The following KNDC1 variants were observed in gnomAD, a reference collection of about 807,000 sequenced individuals.
KNDC1 encodes kinase non-catalytic C-lobe domain containing 1, also known as kinase non-catalytic C-lobe domain-containing protein 1.
Under a neutral mutation model 172.8 loss-of-function variants are expected in KNDC1, and 106 were observed. That is an observed-to-expected ratio of 0.61 (90% CI 0.52 to 0.72). The LOEUF (loss-of-function observed/expected upper bound fraction) is 0.72. KNDC1 is among the 30% of genes least tolerant of loss of function. KNDC1 has a pLI of 0.00. For missense variants in KNDC1, 2,325 were observed against 2,394.5 expected, an observed-to-expected ratio of 0.97 and a Z score of 0.61; for synonymous variants, 1,083 against 1,062.2, an observed-to-expected ratio of 1.02 and a Z score of -0.38.
At chr10:133,218,334 C>T (rs1164334613) in intron 26 of KNDC1, among the ~76,000 whole-genome samples, 1 of 152,266 alleles carries the variant, frequency 6.6e-6, no homozygotes, top group East Asian at 1.9e-4. Context: ...GTCGTCACCG[C>T]CAGCCACAGA....
At chr10:133,191,670 A>C (rs1206054253) in intron 9 of KNDC1, among the ~76,000 whole-genome samples, 1 of 152,224 alleles carries the variant, frequency 6.6e-6, no homozygotes, top group East Asian at 1.9e-4. Context: ...ACTGCACTCC[A>C]GCCTGGTTGA....
At chr10:133,169,213 C>T (rs1038270035) in intron 3 of KNDC1, among the ~76,000 whole-genome samples, 8 of 152,204 alleles carry the variant, frequency 5.3e-5, no homozygotes, top group East Asian at 3.9e-4. Flanking sequence ...GTAATCCCAG[C>T]GCTCTGGGAG....
At chr10:133,188,753 C>G in intron 7 of KNDC1, 100 bp downstream of exon 7, 1 of 598,676 alleles carries the variant, frequency 1.7e-6, no homozygotes, top group East Asian at 3.0e-5. Context: ...ACCCCCCACA[C>G]CGTCCCACGC....
At chr10:133,192,707 G>T (rs1461253087) in intron 9 of KNDC1, among the ~76,000 whole-genome samples, 1 of 152,168 alleles carries the variant, frequency 6.6e-6, no homozygotes, top group Middle Eastern at 3.2e-3. Flanking sequence ...GCAGAGGAAA[G>T]AATTGGTGAA....
Position 133,188,587 on chromosome 10 carries a change from GA to G in KNDC1, c.1376del (p.Glu459GlyfsTer64). 1 of 1,595,526 alleles carries G rather than the reference GA, an allele frequency of 6.3e-7. No homozygotes were observed. The highest frequency in any genetic ancestry group is 8.5e-7 in the Non-Finnish European group (1 of 1,172,398). On this transcript the variant is annotated frameshift_variant, in exon 7 of 30. Transcript: ENST00000304613. LOFTEE classifies it high-confidence loss of function. ...LLSQLGRPFREYELWALCLAC... is the reference protein window; with the variant it reads ...LLSQLGRPFRXYELWALCLAC... Reference sequence around the variant, plus strand: ...GTCCCAGCTGGGCCGGCCCTTCCGGGAGTACGAGCTGTGGGCCCTGTGCCTG... The same window carrying G: ...GTCCCAGCTGGGCCGGCCCTTCCGGGGTACGAGCTGTGGGCCCTGTGCCTG...
Position 133,224,692 on chromosome 10 carries a change from G to A in KNDC1, c.5052G>A (p.Ala1684=), listed in dbSNP as rs1273715697. The A allele has an allele frequency of 6.8e-6, 11 of 1,614,016 alleles. No individual in the cohort carries two copies. Among genetic ancestry groups the A allele is most frequent in the Non-Finnish European group, 9.3e-6 (11 of 1,180,016 alleles). The stretch of plus-strand genomic sequence containing the variant: ...CAAAGGTGGTGAGCCAGGTGCACGC[G>A]TTCCAGGAGAACCCTTACACCTTCA... ...NIAKVVSQVH[A]FQENPYTFSP... The change falls in exon 30 of 30, where the codon GCG becomes GCA. Residue 1684 remains alanine, a synonymous_variant. Coordinates refer to ENST00000304613, the MANE Select transcript of KNDC1 (RefSeq NM_152643.8). This position sits in a 1 kb window ranked among gnomAD's most constrained non-coding sequence, Gnocchi z 5.4.
intron 26 of KNDC1, among the ~76,000 whole-genome samples, chr10:133,217,451 G>A (rs1426929423): frequency 2.0e-5 from 3 of 152,344 alleles, no homozygotes; most frequent in East Asian, 1.9e-4. Context: ...GGGCAGGCGC[G>A]GTGGCTCACG....
Position 133,175,010 on chromosome 10 carries a change from G to T in KNDC1, c.360+6698G>T, listed in dbSNP as rs111210396. Among the ~76,000 whole-genome samples the T allele has an allele frequency of 2.3e-3, 354 of 151,376 alleles. 2 individuals are homozygous for T. Among genetic ancestry groups the T allele is most frequent in the African/African-American group, 7.7e-3 (317 of 41,252 alleles). On this transcript the variant is annotated intron_variant, in intron 3 of 29. Coordinates refer to ENST00000304613, the MANE Select transcript of KNDC1 (RefSeq NM_152643.8). ...TGGGTGGATGGTGGATATGTGAATG[G>T]ATGGGTGGGTGGAAAGATGGGTGGA...
At chr10:133,167,339 T>TATCATTAAAAA in intron 1 of KNDC1, 42 bp from the exon 2 acceptor site, 1 of 1,518,138 alleles carries the variant, frequency 6.6e-7, no homozygotes, top group Non-Finnish European at 8.9e-7. Flanking sequence ...GGGGCCTGGC[T>TATCATTAAAAA]GGGGGTCCTG....
At chr10:133,204,882 G>A (rs929029049) in intron 17 of KNDC1, among the ~76,000 whole-genome samples, 4 of 151,942 alleles carry the variant, frequency 2.6e-5, no homozygotes, top group Admixed American at 6.6e-5. Flanking sequence ...GGGCTGCCGC[G>A]CCTCTCACCT....
rs756922632 is a variant in KNDC1, at chr10:133,201,763, C to T, written c.3252C>T (p.Ala1084=). Residue 1084 remains alanine (A), a synonymous_variant, in exon 17 of 30, where the codon GCC becomes GCT. Coordinates refer to ENST00000304613, the MANE Select transcript of KNDC1 (RefSeq NM_152643.8). ...GCCCAGCCTTGTCCCCCGGCCCAGCCGGATTCCAGAGCTGCAGCCCCGGCT... is the reference window on the plus strand; with the variant it reads ...GCCCAGCCTTGTCCCCCGGCCCAGCTGGATTCCAGAGCTGCAGCCCCGGCT... ...GVGPALSPGP[A]GFQSCSPGWC... is the part of the protein sequence containing the mutation. 11 of 1,562,200 alleles carry T rather than the reference C, an allele frequency of 7.0e-6. No homozygotes were observed. The highest frequency in any genetic ancestry group is 2.7e-5 in the African/African-American group (2 of 73,260).
chr10:133,160,683 A>T (rs56406605), intron 1 of KNDC1, 114 bp downstream of exon 1: 364,525 of 602,118 alleles, frequency 0.61, 111,270 homozygotes, highest in Admixed American at 0.74. Flanking sequence ...GGCGCCCTCC[A>T]TGGCCGAGGG....
chr10:133,203,726 C>T (rs552619348), intron 17 of KNDC1, among the ~76,000 whole-genome samples: 38 of 152,362 alleles, frequency 2.5e-4, no homozygotes, highest in Middle Eastern at 3.4e-3. Flanking sequence ...CTGTCTGCAC[C>T]GGTGAAGCCT....
chr10:133,213,915 C>A (rs1349549785), intron 25 of KNDC1, 57 bp from the exon 26 acceptor site: 1 of 1,601,418 alleles, frequency 6.2e-7, no homozygotes, highest in East Asian at 2.2e-5. Flanking sequence ...AGCCCCAGGG[C>A]CGGGCAGGGC....
chr10:133,167,359 C>G, intron 1 of KNDC1, 22 bp from the exon 2 acceptor site: 1 of 1,545,890 alleles, frequency 6.5e-7, no homozygotes, highest in Non-Finnish European at 8.8e-7. Context: ...GCCGGGCTCA[C>G]GGCCAGGGCC....
At position 133,225,212 on chromosome 10, in the gene KNDC1, G is replaced by A. The variant is rs1450206858; in HGVS notation, c.*322G>A. The A allele has an allele frequency of 3.0e-6, 1 of 329,314 alleles. No homozygotes were observed. The highest frequency in any genetic ancestry group is 2.2e-5 in the African/African-American group (1 of 46,458). The allele number at this position is 329,314 out of a possible 1,614,324, so 20.4% of individuals were successfully genotyped here. A position where few individuals can be genotyped will look rare whatever the true frequency, so the allele number is the denominator to read the frequency against. On this transcript the variant is annotated 3_prime_UTR_variant, in exon 30 of 30. Transcript: ENST00000304613. ...TGCCTGTCTGCGCCTCTCACACACA[G>A]ATAAGTGGCTCTTACCCAGCTCTCA...
In KNDC1 at chr10:133,206,722, AC is replaced by A; in HGVS notation, c.3427del (p.Arg1143AlafsTer4). 6.2e-7 allele frequency: 1 copy of A among 1,614,064 alleles called. No homozygotes were observed. Among genetic ancestry groups the A allele is most frequent in the Non-Finnish European group, 8.5e-7 (1 of 1,180,026 alleles). On this transcript the variant is annotated frameshift_variant, in exon 18 of 30. Coordinates refer to ENST00000304613, the MANE Select transcript of KNDC1 (RefSeq NM_152643.8). LOFTEE classifies it high-confidence loss of function. ...EQQLMMEKRN[Y>X]RKTLKFYQKL... ...CAGCTCATGATGGAGAAAAGAAACT[AC>A]CGCAAGACCCTGAAGTTCTACCAGA...
At chr10:133,169,159 C>T (rs1853288472) in intron 3 of KNDC1, among the ~76,000 whole-genome samples, 1 of 152,180 alleles carries the variant, frequency 6.6e-6, no homozygotes, top group African/African-American at 2.4e-5. Context: ...TAAAATTTGA[C>T]CTTGAAAGAA....
In KNDC1 at chr10:133,211,291, G is replaced by T. The variant is rs1262018759; in HGVS notation, c.3909-131G>T. ...GGGAGGGACCCACGGAAGACCCCCAGCCCCCTAAGCCCCCTGCACACATGG... is the reference window on the plus strand; with the variant it reads ...GGGAGGGACCCACGGAAGACCCCCATCCCCCTAAGCCCCCTGCACACATGG... On this transcript the variant is annotated intron_variant, in intron 21 of 29. Coordinates refer to ENST00000304613, the MANE Select transcript of KNDC1 (RefSeq NM_152643.8). 7.8e-6 allele frequency: 4 copies of T among 510,520 alleles called. No homozygotes were observed. The African/African-American group carries it at 8.7e-5, about 11-fold the overall frequency. 31.6% of individuals were successfully genotyped at this position (510,520 alleles called of 1,614,324 possible).
Sources: gnomAD v4.1 joint callset for allele counts (sites outside exome capture counted in the v4.1 genomes callset) on GRCh38, gnomAD v4.1.1 for gene constraint, Gnocchi (gnomAD v3.1) non-coding constraint, MANE v1.5 for transcripts, NCBI Gene and HGNC (gene_info 2026-07-23, HGNC 2026-07-21) for gene names.